Variants in CCDC171 observed in about 807,000 individuals in gnomAD.
The protein encoded by CCDC171 is coiled-coil domain-containing protein 171.
CCDC171 carries 177 observed loss-of-function variants against 168.2 expected under a neutral mutation model. The ratio of observed to expected loss-of-function variants is 1.05; its 90% CI spans 0.93 to 1.19. CCDC171 has a LOEUF of 1.19. Ranked by LOEUF, CCDC171 falls within the 50% of genes most tolerant of loss-of-function variation. The pLI is 0.00. For missense variants in CCDC171, 1,991 were observed against 1,539.0 expected (o/e 1.29, Z -4.91); for synonymous variants, 687 against 540.8 (o/e 1.27, Z -3.75).
chr9:15,833,560 T>C (rs1343423185), intron 21 of CCDC171, among the ~76,000 whole-genome samples: 1 of 152,208 alleles, frequency 6.6e-6, no homozygotes, highest in Non-Finnish European at 1.5e-5. Context: ...CAAAATACTT[T>C]ATTAATACAA....
chr9:15,738,321 A>T (rs868830699), intron 16 of CCDC171, among the ~76,000 whole-genome samples: 1 of 152,210 alleles, frequency 6.6e-6, no homozygotes. Flanking sequence ...TCCTTTTTCC[A>T]CATTATGGAT....
chr9:15,676,879 C>G (rs78066063), intron 9 of CCDC171, among the ~76,000 whole-genome samples: 3 of 152,062 alleles, frequency 2.0e-5, no homozygotes, highest in Non-Finnish European at 4.4e-5. Context: ...CACAGAGTGG[C>G]CATCAAGTCT....
chr9:15,651,272 C>G (rs1293573461), intron 7 of CCDC171, among the ~76,000 whole-genome samples: 1 of 152,174 alleles, frequency 6.6e-6, no homozygotes, highest in Admixed American at 6.5e-5. Context: ...CGACACCTAG[C>G]TAATTTTTGT....
At chr9:15,628,446 C>G (rs967806261) in intron 7 of CCDC171, among the ~76,000 whole-genome samples, 1 of 152,172 alleles carries the variant, frequency 6.6e-6, no homozygotes, top group East Asian at 1.9e-4. Flanking sequence ...AGTCTGAGAT[C>G]AAACTGCAAG....
At chr9:15,774,246 TAAAAAAAAA>T (rs56239417) in intron 18 of CCDC171, among the ~76,000 whole-genome samples, 2 of 38,022 alleles carry the variant, frequency 5.3e-5, no homozygotes, top group South Asian at 2.3e-3. Flanking sequence ...ACGCTGTCTT[TAAAAAAAAA>T]AAAAAAAAAA....
chr9:15,920,691 C>T (rs1394257575), intron 25 of CCDC171, among the ~76,000 whole-genome samples: 2 of 151,692 alleles, frequency 1.3e-5, no homozygotes, highest in African/African-American at 2.4e-5. Flanking sequence ...GTGCAGCTGA[C>T]AGTTGAATTT....
chr9:16,088,682 C>G, the CCDC171 span, among the ~76,000 whole-genome samples: 492 of 152,220 alleles, frequency 3.2e-3, no homozygotes, highest in African/African-American at 0.011. Flanking sequence ...TCAAGGAGAA[C>G]TACAAACCAC....
At chr9:15,567,639 TC>T (rs1378471756) in intron 2 of CCDC171, among the ~76,000 whole-genome samples, 2 of 152,178 alleles carry the variant, frequency 1.3e-5, no homozygotes, top group Non-Finnish European at 2.9e-5. Context: ...TTTGTATTTT[TC>T]AGTGTAAAAA....
chr9:15,812,875 G>A (rs1390661893), intron 21 of CCDC171, among the ~76,000 whole-genome samples: 1 of 152,164 alleles, frequency 6.6e-6, no homozygotes, highest in Admixed American at 6.5e-5. Context: ...TTGAGCATGG[G>A]TTTAAATTAT....
At chr9:15,578,056 G>A (rs2040812039) in intron 3 of CCDC171, among the ~76,000 whole-genome samples, 2 of 152,064 alleles carry the variant, frequency 1.3e-5, no homozygotes, top group South Asian at 4.1e-4. Context: ...TTTATGATCA[G>A]TGATATCATA....
chr9:15,573,074 G>A (rs113893920), intron 3 of CCDC171, among the ~76,000 whole-genome samples: 4,149 of 152,198 alleles, frequency 0.027, 201 homozygotes, highest in African/African-American at 0.095. Flanking sequence ...CAGGAGAATC[G>A]CTTGAGCCCT....
intron 6 of CCDC171, among the ~76,000 whole-genome samples, chr9:15,618,145 T>G (rs540776601): frequency 1.3e-5 from 2 of 152,290 alleles, no homozygotes; most frequent in Non-Finnish European, 2.9e-5. Flanking sequence ...CCCCAGGTGC[T>G]CTGTCCTACC....
intron 24 of CCDC171, among the ~76,000 whole-genome samples, chr9:15,878,992 G>T (rs1359443103): frequency 1.3e-5 from 2 of 151,980 alleles, no homozygotes; most frequent in Non-Finnish European, 2.9e-5. Flanking sequence ...GAAGGGAGAG[G>T]ATCAGAAAAA....
chr9:16,060,600 T>C (rs975072582), intron 1 of CCDC171: 1 of 152,294 alleles, frequency 6.6e-6, no homozygotes, highest in African/African-American at 2.4e-5. Flanking sequence ...GTCAGCCCCA[T>C]TGATTGCTTT....
At chr9:15,841,182 G>A (rs559212951) in intron 21 of CCDC171, among the ~76,000 whole-genome samples, 7 of 151,958 alleles carry the variant, frequency 4.6e-5, no homozygotes, top group African/African-American at 1.4e-4. Flanking sequence ...TAAAAGTAAC[G>A]TATTTTACAC....
chr9:15,834,753 A>G (rs532254977), intron 21 of CCDC171, among the ~76,000 whole-genome samples: 10 of 152,334 alleles, frequency 6.6e-5, no homozygotes, highest in East Asian at 5.8e-4. Context: ...AGCCTGGCCA[A>G]TTGCCAAAAT....
intron 25 of CCDC171, among the ~76,000 whole-genome samples, chr9:15,952,915 C>G (rs1342321810): frequency 6.6e-6 from 1 of 151,910 alleles, no homozygotes; most frequent in African/African-American, 2.4e-5. Context: ...TAATTTAATG[C>G]CTAGGTATTT....
At chr9:15,793,551 GTTTTTTTTTTTTT>G (rs3082839) in intron 21 of CCDC171, among the ~76,000 whole-genome samples, 12 of 77,056 alleles carry the variant, frequency 1.6e-4, no homozygotes, top group African/African-American at 3.9e-4. Context: ...TTATTCCAAG[GTTTTTTTTTTTTT>G]TTTTTTTTTT....
intron 21 of CCDC171, among the ~76,000 whole-genome samples, chr9:15,801,854 C>T (rs764547225): frequency 8.6e-5 from 13 of 151,930 alleles, no homozygotes; most frequent in Non-Finnish European, 1.8e-4. Context: ...TTATCAAATG[C>T]TTCTGTCAGC....
Sources: gnomAD v4.1 joint callset for allele counts (sites outside exome capture counted in the v4.1 genomes callset) on GRCh38, gnomAD v4.1.1 for gene constraint, MANE v1.5 for transcripts, NCBI Gene and HGNC (gene_info 2026-07-23, HGNC 2026-07-21) for gene names.